Variants in WIPF2 observed in about 807,000 individuals in gnomAD.
The protein encoded by WIPF2 is WAS/WASL-interacting protein family member 2.
A neutral mutation model predicts 38.8 loss-of-function variants in WIPF2; 23 were observed. The observed-to-expected ratio is 0.59, with a 90% CI of 0.43 to 0.84. The LOEUF (loss-of-function observed/expected upper bound fraction) is 0.84. WIPF2 is among the 40% of genes least tolerant of loss of function. The pLI is 0.00. For missense variants in WIPF2, 574 were observed against 580.5 expected, an observed-to-expected ratio of 0.99 and a Z score of 0.11; for synonymous variants, 210 against 223.2, an observed-to-expected ratio of 0.94 and a Z score of 0.53.
At chr17:40,234,906 A>C (rs2030898714) in intron 1 of WIPF2, among the ~76,000 whole-genome samples, 1 of 151,794 alleles carries the variant, frequency 6.6e-6, no homozygotes, top group African/African-American at 2.4e-5. Context: ...TCCATTGTGC[A>C]AATCTTCTTT....
In WIPF2 at chr17:40,277,095, C is replaced by A; in HGVS notation, c.1193C>A (p.Ser398Ter). 6.2e-7 allele frequency: 1 copy of A among 1,611,560 alleles called. No individual in the cohort carries two copies. Among genetic ancestry groups the A allele is most frequent in the South Asian group, 1.1e-5 (1 of 90,604 alleles). The change falls in exon 7 of 8, where the codon TCA becomes TAA. Residue 398 changes from serine to a stop codon, truncating the protein, a stop_gained. Coordinates refer to ENST00000323571, the MANE Select transcript of WIPF2 (RefSeq NM_133264.5). LOFTEE classifies it high-confidence loss of function. ...TVRSFLDDFE[S>*]KYSFHPVEDF... Reference sequence around the variant, plus strand: ...ATTCTTTTCGCAGATGATTTTGAGTCAAAGTATTCCTTCCATCCAGTAGAA... The same window carrying A: ...ATTCTTTTCGCAGATGATTTTGAGTAAAAGTATTCCTTCCATCCAGTAGAA...
At chr17:40,256,855 G>A (rs1296537512) in intron 2 of WIPF2, among the ~76,000 whole-genome samples, 1 of 152,102 alleles carries the variant, frequency 6.6e-6, no homozygotes, top group Admixed American at 6.6e-5. Flanking sequence ...TCCTTGTCCT[G>A]GTTCACTCTA....
Position 40,278,269 on chromosome 17 carries a change from C to G in WIPF2, c.*44C>G. On this transcript the variant is annotated 3_prime_UTR_variant, in exon 8 of 8. Coordinates refer to ENST00000323571, the MANE Select transcript of WIPF2 (RefSeq NM_133264.5). ...TCCTCAGGAAAAGGATGGACCTTCTCTTCTTCTCAGATGGTCCCTTCCATT... is the reference window on the plus strand; with the variant it reads ...TCCTCAGGAAAAGGATGGACCTTCTGTTCTTCTCAGATGGTCCCTTCCATT... The G allele has an allele frequency of 6.2e-7, 1 of 1,604,358 alleles. No individual in the cohort carries two copies. The highest frequency in any genetic ancestry group is 1.1e-5 in the South Asian group (1 of 89,906).
At chr17:40,247,182 T>A (rs1402493586) in intron 1 of WIPF2, among the ~76,000 whole-genome samples, 2 of 147,984 alleles carry the variant, frequency 1.4e-5, no homozygotes, top group Non-Finnish European at 3.0e-5. Context: ...GAAATGTTCC[T>A]CGAAAATTTA....
chr17:40,260,807 C>G (rs1359000017), intron 3 of WIPF2, 140 bp downstream of exon 3: 10 of 1,140,870 alleles, frequency 8.8e-6, no homozygotes, highest in Non-Finnish European at 1.3e-5. Flanking sequence ...CTTATTCATT[C>G]TTCTGAACCT....
At chr17:40,229,117 CTT>C (rs1162553464) in intron 1 of WIPF2, among the ~76,000 whole-genome samples, 4 of 141,526 alleles carry the variant, frequency 2.8e-5, no homozygotes, top group African/African-American at 2.6e-5. Context: ...CCAGGCTGGT[CTT>C]TTTTTTTTTT....
intron 3 of WIPF2, 145 bp downstream of exon 3, chr17:40,260,812 G>C: frequency 9.0e-7 from 1 of 1,112,006 alleles, no homozygotes; most frequent in Non-Finnish European, 1.3e-6. Flanking sequence ...TCATTCTTCT[G>C]AACCTTAGAA....
intron 1 of WIPF2, among the ~76,000 whole-genome samples, chr17:40,228,764 G>T (rs551352113): frequency 1.1e-3 from 171 of 152,058 alleles, no homozygotes; most frequent in Non-Finnish European, 1.8e-3. Context: ...GTGTAGCTGG[G>T]ACCACAGGTG....
intron 1 of WIPF2, among the ~76,000 whole-genome samples, chr17:40,245,406 G>A (rs919753543): frequency 6.6e-6 from 1 of 151,184 alleles, no homozygotes; most frequent in African/African-American, 2.4e-5. Flanking sequence ...GCAGTGGCAC[G>A]ATCTCAGCTT....
intron 1 of WIPF2, among the ~76,000 whole-genome samples, chr17:40,232,015 CTT>C (rs547592426): frequency 7.2e-5 from 8 of 110,346 alleles, no homozygotes; most frequent in East Asian, 2.7e-4. Context: ...ATTGATTTTA[CTT>C]TTTTTTTTTT....
intron 6 of WIPF2, among the ~76,000 whole-genome samples, chr17:40,274,931 C>CAAACAAAA (rs1555564783): frequency 4.4e-5 from 2 of 45,580 alleles, no homozygotes; most frequent in African/African-American, 1.7e-4. Context: ...GAATCTGTCT[C>CAAACAAAA]AAAAAAAAAA....
chr17:40,246,097 T>C (rs1374505162), intron 1 of WIPF2, among the ~76,000 whole-genome samples: 8 of 151,740 alleles, frequency 5.3e-5, no homozygotes, highest in Non-Finnish European at 1.2e-4. Flanking sequence ...GCTACTCTTT[T>C]TTTTTTTTTT....
chr17:40,233,923 C>T (rs557451633), intron 1 of WIPF2, among the ~76,000 whole-genome samples: 3 of 152,176 alleles, frequency 2.0e-5, no homozygotes, highest in Non-Finnish European at 2.9e-5. Flanking sequence ...TTTAGCCAGG[C>T]GTGGTGGTGC....
chr17:40,262,546 G>C lies in WIPF2; in HGVS notation c.218G>C (p.Gly73Ala), dbSNP rs368856744. The C allele has an allele frequency of 6.2e-7, 1 of 1,614,024 alleles. No individual in the cohort carries two copies. ...CCAGAGCCGAAAGGAAGCAGTGGTG[G>C]CTATGGCTCTGGAGGAGCTGCCCTG... is the stretch of plus-strand genomic sequence containing the variant. The part of the protein sequence containing the change: ...ILEKPKGSSG[G>A]YGSGGAALQP... The change falls in exon 4 of 8, where the codon GGC (glycine) becomes GCC (alanine). Residue 73 changes from glycine to alanine, a missense_variant. Coordinates refer to ENST00000323571, the MANE Select transcript of WIPF2 (RefSeq NM_133264.5).
At chr17:40,223,059 A>G (rs1394099474) in intron 1 of WIPF2, among the ~76,000 whole-genome samples, 2 of 151,850 alleles carry the variant, frequency 1.3e-5, no homozygotes, top group Non-Finnish European at 2.9e-5. Flanking sequence ...CAAGATGAAG[A>G]TAGGGAAGTT....
chr17:40,276,544 GAATT>G (rs2032406804), intron 6 of WIPF2, among the ~76,000 whole-genome samples: 1 of 94,466 alleles, frequency 1.1e-5, no homozygotes, highest in Non-Finnish European at 2.4e-5. Context: ...AAAAAAAAAA[GAATT>G]ATATTTCTTT....
At chr17:40,259,412 A>G (rs1344179153) in intron 2 of WIPF2, among the ~76,000 whole-genome samples, 2 of 151,028 alleles carry the variant, frequency 1.3e-5, no homozygotes, top group Non-Finnish European at 3.0e-5. Context: ...TCCAGCCTGG[A>G]TGGTAGAATC....
chr17:40,269,729 C>G (rs961562757), intron 5 of WIPF2, among the ~76,000 whole-genome samples: 1 of 149,870 alleles, frequency 6.7e-6, no homozygotes, highest in African/African-American at 2.4e-5. Context: ...CTCAGCCTCC[C>G]GAGTAGCTGG....
intron 1 of WIPF2, among the ~76,000 whole-genome samples, chr17:40,243,565 G>C (rs1189253416): frequency 1.3e-5 from 2 of 151,770 alleles, no homozygotes; most frequent in Admixed American, 1.3e-4. Flanking sequence ...CCAGGCTGGA[G>C]TGCAATGGTG....
Sources: gnomAD v4.1 joint callset for allele counts (sites outside exome capture counted in the v4.1 genomes callset) on GRCh38, gnomAD v4.1.1 for gene constraint, MANE v1.5 for transcripts, NCBI Gene and HGNC (gene_info 2026-07-23, HGNC 2026-07-21) for gene names.